Variants in LPA observed in about 807,000 individuals in gnomAD.
LPA encodes the protein apolipoprotein(a).
In LPA, 199 loss-of-function variants were observed where a neutral mutation model predicts 197.9. The ratio of observed to expected loss-of-function variants is 1.01; its 90% CI spans 0.90 to 1.13. The LOEUF is 1.13. Ranked by LOEUF, LPA falls within the 50% of genes most tolerant of loss-of-function variation. The pLI is 0.00. For missense variants in LPA, 1,853 were observed against 1,785.8 expected, an observed-to-expected ratio of 1.04 and a Z score of -0.68; for synonymous variants, 715 against 639.5, an observed-to-expected ratio of 1.12 and a Z score of -1.78.
intron 37 of LPA, among the ~76,000 whole-genome samples, 163 bp from the exon 38 acceptor site, chr6:160,532,812 C>T (rs1268539906): frequency 6.6e-6 from 1 of 152,178 alleles, no homozygotes; most frequent in Non-Finnish European, 1.5e-5. Flanking sequence ...CATTAAAGTG[C>T]AAATGTCATA....
At position 160,595,371 on chromosome 6, in the gene LPA, T is replaced by G. The variant is rs983302629; in HGVS notation, c.3452A>C (p.Glu1151Ala). The change falls in exon 21 of 39, where the codon GAG becomes GCG. Residue 1151 changes from glutamate (E) to alanine (A), a missense_variant. By Grantham distance (107) the Glu-to-Ala change is moderately radical. Around this residue, in one of 3 missense-constraint regions of LPA, gnomAD observed 1,737 missense variants for 1,504.4 expected, o/e 1.15. Coordinates refer to ENST00000316300, the MANE Select transcript of LPA (RefSeq NM_005577.4). ...CTTCCTACCTTCTTCAGAAGAAGCC[T>G]CTGTGCTTGGATCTGGGACCACCGT... ...TLTVVPDPST[E>A]ASSEEAPTEQ... 1.9e-6 allele frequency: 3 copies of G among 1,612,792 alleles called. No individual in the cohort carries two copies.
At chr6:160,556,250 C>A in intron 29 of LPA, 66 bp from the exon 30 acceptor site, 2 of 1,471,858 alleles carry the variant, frequency 1.4e-6, no homozygotes, top group Non-Finnish European at 1.9e-6. Flanking sequence ...CAATTTATGA[C>A]ACAAACAGGA....
chr6:160,548,509 C>G lies in LPA; in HGVS notation c.5124G>C (p.Gln1708His). 6.2e-7 allele frequency: 1 copy of G among 1,614,054 alleles called. No individual in the cohort carries two copies. Residue 1708 changes from glutamine (Q) to histidine (H), a missense_variant, in exon 31 of 39, where the codon CAG becomes CAC. Transcript: ENST00000316300. Reference protein sequence around the residue: ...GTVVAPPTVIQVPSLGPPSEQ... With the variant: ...GTVVAPPTVIHVPSLGPPSEQ... ...CAGAAGGAGGCCCTAGGCTTGGAACCTGGATGACAGTCGGAGGAGCGACCA... is the reference window on the plus strand; with the variant it reads ...CAGAAGGAGGCCCTAGGCTTGGAACGTGGATGACAGTCGGAGGAGCGACCA...
rs1778327542 is a variant in LPA at position 160,559,558 on chromosome 6, AG to A, written c.4632-1988del. On this transcript the variant is annotated intron_variant, in intron 28 of 38. Coordinates refer to ENST00000316300, the MANE Select transcript of LPA (RefSeq NM_005577.4). Reference sequence around the variant, plus strand: ...ATAGAATTGCAGGTTTGTAAGATAGAGGCATATTGATGGAACTTTTTAAGAA... The same window carrying A: ...ATAGAATTGCAGGTTTGTAAGATAGAGCATATTGATGGAACTTTTTAAGAA... Among the ~76,000 whole-genome samples the A allele has an allele frequency of 2.0e-5, 3 of 152,204 alleles. No homozygotes were observed. In the South Asian group the frequency reaches 6.2e-4, roughly 31 times the overall value.
intron 28 of LPA, among the ~76,000 whole-genome samples, chr6:160,566,572 A>G (rs1352292274): frequency 6.6e-6 from 1 of 152,252 alleles, no homozygotes; most frequent in Non-Finnish European, 1.5e-5. Flanking sequence ...GCTAGGAAGA[A>G]ACTGCATCAA....
intron 16 of LPA, 64 bp downstream of exon 16, chr6:160,611,498 T>C (rs537170521): frequency 6.6e-5 from 106 of 1,594,652 alleles, no homozygotes; most frequent in South Asian, 6.4e-4. Context: ...GCTTGAAGCA[T>C]GTCTCTTGTC....
intron 38 of LPA, among the ~76,000 whole-genome samples, chr6:160,532,313 GCTC>G (rs1777819811): frequency 6.6e-6 from 1 of 152,076 alleles, no homozygotes; most frequent in African/African-American, 2.4e-5. Flanking sequence ...GGCACTTACG[GCTC>G]CCTTGCTATG....
At chr6:160,555,111 T>A (rs1281891457) in intron 30 of LPA, among the ~76,000 whole-genome samples, 3 of 152,076 alleles carry the variant, frequency 2.0e-5, no homozygotes, top group Middle Eastern at 3.4e-3. Flanking sequence ...CATTTTAATC[T>A]CCATATCTGT....
In LPA at chr6:160,601,000, G is replaced by C; in HGVS notation, c.3044C>G (p.Thr1015Arg). The C allele has an allele frequency of 1.2e-5, 19 of 1,614,068 alleles. No individual in the cohort carries two copies. Among genetic ancestry groups the C allele is most frequent in the Admixed American group, 1.7e-5 (1 of 60,022 alleles). Residue 1015 changes from threonine to arginine, a missense_variant, in exon 19 of 39, where the codon ACA (threonine) becomes AGA (arginine). Thr to Arg is a moderately conservative substitution (Grantham distance 71, BLOSUM62 -1). Transcript: ENST00000316300. Reference protein sequence around the residue: ...PSVRWEYCNLTRCSDAEWTAF... With the variant: ...PSVRWEYCNLRRCSDAEWTAF... ...AGTCCATTCTGCATCTGAGCATCGT[G>C]TCAGGTTGCAGTACTCCCACCTGAC...
intron 26 of LPA, among the ~76,000 whole-genome samples, chr6:160,584,239 C>CTTCCTCCTT (rs1562331288): frequency 1.1e-4 from 9 of 82,616 alleles, no homozygotes; most frequent in Non-Finnish European, 2.4e-5. Flanking sequence ...TCTTCTTCTT[C>CTTCCTCCTT]CTCCTCCTCC....
chr6:160,560,659 T>A (rs1778345447), intron 28 of LPA, among the ~76,000 whole-genome samples: 1 of 152,146 alleles, frequency 6.6e-6, no homozygotes, highest in Non-Finnish European at 1.5e-5. Flanking sequence ...TGTACATTTG[T>A]TTAAGTTGCT....
At chr6:160,610,808 A>G (rs917711297) in intron 16 of LPA, among the ~76,000 whole-genome samples, 4 of 152,136 alleles carry the variant, frequency 2.6e-5, no homozygotes, top group South Asian at 2.1e-4. Flanking sequence ...AAGCCAAGGC[A>G]TCTATGGAGT....
intron 37 of LPA, among the ~76,000 whole-genome samples, chr6:160,533,020 T>TA (rs1403134304): frequency 2.2e-4 from 34 of 152,244 alleles, no homozygotes; most frequent in Admixed American, 2.2e-3. Flanking sequence ...CTTCTTTTAC[T>TA]ATTACATCAT....
At chr6:160,656,342 C>T (rs1780132960) in intron 1 of LPA, among the ~76,000 whole-genome samples, 1 of 152,204 alleles carries the variant, frequency 6.6e-6, no homozygotes, top group Non-Finnish European at 1.5e-5. Context: ...AGCCCTCATC[C>T]TACCAGTCAG....
intron 30 of LPA, among the ~76,000 whole-genome samples, chr6:160,551,427 G>A (rs1451599991): frequency 6.6e-6 from 1 of 152,058 alleles, no homozygotes; most frequent in Non-Finnish European, 1.5e-5. Flanking sequence ...CCTATATTCT[G>A]GACACAAGCC....
In LPA at chr6:160,541,088, A is replaced by T. The variant is rs763721676; in HGVS notation, c.5594+19T>A. 1 of 1,610,380 alleles carries T rather than the reference A, an allele frequency of 6.2e-7. No homozygotes were observed. The highest frequency in any genetic ancestry group is 8.5e-7 in the Non-Finnish European group (1 of 1,176,646). On this transcript the variant is annotated intron_variant, in intron 35 of 38. Coordinates refer to ENST00000316300, the MANE Select transcript of LPA (RefSeq NM_005577.4). ...AGTCTTGAAGATAAGACCCCATGTC[A>T]GTTTTCCCTTAAACGTACTTCTTCA...
chr6:160,558,102 G>T (rs531703644), intron 28 of LPA, among the ~76,000 whole-genome samples: 31 of 152,092 alleles, frequency 2.0e-4, no homozygotes, highest in South Asian at 8.3e-4. Flanking sequence ...TGTATTTTTA[G>T]TAGAGACAGG....
intron 20 of LPA, among the ~76,000 whole-genome samples, chr6:160,599,119 G>T (rs971163162): frequency 6.6e-6 from 1 of 152,154 alleles, no homozygotes. Flanking sequence ...TGAGGCAGGC[G>T]GATCACGAGG....
intron 22 of LPA, among the ~76,000 whole-genome samples, chr6:160,592,370 AG>A (rs1779046717): frequency 6.8e-6 from 1 of 147,998 alleles, no homozygotes; most frequent in Non-Finnish European, 1.5e-5. Context: ...AACTTTTCTC[AG>A]TTTTTAAATT....
Sources: gnomAD v4.1 joint callset for allele counts (sites outside exome capture counted in the v4.1 genomes callset) on GRCh38, gnomAD v4.1.1 for gene constraint, gnomAD v4.1.1 regional missense constraint, MANE v1.5 for transcripts, NCBI Gene and HGNC (gene_info 2026-07-23, HGNC 2026-07-21) for gene names.